Variants in MARCHF7 observed in about 807,000 individuals in gnomAD.
MARCHF7 encodes the protein membrane associated ring-CH-type finger 7.
A neutral mutation model predicts 76.5 loss-of-function variants in MARCHF7; 20 were observed. The ratio of observed to expected loss-of-function variants is 0.26; its 90% CI spans 0.18 to 0.38. The LOEUF (loss-of-function observed/expected upper bound fraction) is 0.38, where lower values mean the gene tolerates loss of function less well. Among genes scored for constraint, MARCHF7 ranks in the 10% least tolerant of loss-of-function variants. The pLI, the probability that MARCHF7 is intolerant of heterozygous loss-of-function variation, is 1.00. For synonymous variants in MARCHF7, 295 were observed against 293.0 expected, an observed-to-expected ratio of 1.01 and a Z score of -0.07; for missense variants, 797 against 812.9, an observed-to-expected ratio of 0.98 and a Z score of 0.24.
chr2:159,740,819 G>A (rs966513083), intron 4 of MARCHF7, among the ~76,000 whole-genome samples: 1 of 152,094 alleles, frequency 6.6e-6, no homozygotes. Flanking sequence ...TATTTTCAAA[G>A]TTTCTTTTCC....
rs772128768 is a variant in MARCHF7, at chr2:159,769,190, T to C, written c.*1848T>C. On this transcript the variant is annotated 3_prime_UTR_variant, in exon 12 of 12. Transcript: ENST00000409175. ...GTAGTTTAAAATGTTATTCTGAATATCTGCCAAAGAATTATATTGTTATTA... is the reference window on the plus strand; with the variant it reads ...GTAGTTTAAAATGTTATTCTGAATACCTGCCAAAGAATTATATTGTTATTA... 3.3e-5 allele frequency: 5 copies of C among 152,214 alleles called. No homozygotes were observed. The highest frequency in any genetic ancestry group is 5.9e-5 in the Non-Finnish European group (4 of 68,040). The allele number at this position is 152,214 out of a possible 1,614,324, so 9.4% of individuals were successfully genotyped here.
At position 159,748,653 on chromosome 2, in the gene MARCHF7, A is replaced by G; in HGVS notation, c.1363A>G (p.Ser455Gly). Residue 455 changes from serine (S) to glycine (G), a missense_variant, in exon 7 of 12, where the codon AGC becomes GGC. By Grantham distance (56) the Ser-to-Gly change is moderately conservative (BLOSUM62 0). This residue lies in a region of MARCHF7 where 643 missense variants were observed against 631.5 expected (regional missense o/e 1.02). Coordinates refer to ENST00000409175, the MANE Select transcript of MARCHF7 (RefSeq NM_001282805.2). ...ANRPQASAAS[S>G]SATTGGSTSD... ...CAGACCACAAGCATCTGCAGCATCA[A>G]GCAGTGCCACAACAGGTGGCTCTAC... The G allele has an allele frequency of 1.2e-6, 2 of 1,614,208 alleles. No individual in the cohort carries two copies. Among genetic ancestry groups the G allele is most frequent in the Non-Finnish European group, 8.5e-7 (1 of 1,180,032 alleles).
At chr2:159,765,971 A>G (rs576109748) in intron 11 of MARCHF7, among the ~76,000 whole-genome samples, 1 of 152,240 alleles carries the variant, frequency 6.6e-6, no homozygotes, top group Admixed American at 6.5e-5. Flanking sequence ...GTTTCAGTGT[A>G]TGTTTTCCCC....
At chr2:159,739,584 T>C (rs1480730619) in intron 4 of MARCHF7, among the ~76,000 whole-genome samples, 2 of 152,204 alleles carry the variant, frequency 1.3e-5, no homozygotes, top group African/African-American at 4.8e-5. Flanking sequence ...TGGCCTATAG[T>C]TCTGGACAGC....
In MARCHF7 at chr2:159,743,115, T is replaced by C. The variant is rs201822232; in HGVS notation, c.208T>C (p.Ser70Pro). 4.6e-5 allele frequency: 74 copies of C among 1,614,204 alleles called. 2 individuals carry two copies. In the East Asian group the frequency reaches 1.5e-3, roughly 34 times the overall value. Residue 70 changes from serine (S) to proline (P), a missense_variant, in exon 5 of 12, where the codon TCT becomes CCT. Transcript: ENST00000409175. ...ATTTCAATCTGCATGGTATAGTGAATCTGAGATAACTCAGGGAGCACGCTC... is the reference window on the plus strand; with the variant it reads ...ATTTCAATCTGCATGGTATAGTGAACCTGAGATAACTCAGGGAGCACGCTC... ...SPFQSAWYSESEITQGARSRS... is the reference protein window; with the variant it reads ...SPFQSAWYSEPEITQGARSRS...
At chr2:159,719,663 T>C (rs1488489955) in intron 3 of MARCHF7, among the ~76,000 whole-genome samples, 1 of 152,212 alleles carries the variant, frequency 6.6e-6, no homozygotes, top group Non-Finnish European at 1.5e-5. Context: ...CCTAGTCTAT[T>C]GTTAAACCCA....
chr2:159,733,954 GTTC>G, intron 4 of MARCHF7: 1 of 1,272,858 alleles, frequency 7.9e-7, no homozygotes, highest in Non-Finnish European at 1.0e-6. Flanking sequence ...ATATCTTTCA[GTTC>G]TCAGCCATTT....
Position 159,743,347 on chromosome 2 carries a change from T to C in MARCHF7, c.346+94T>C. 3.5e-6 allele frequency: 4 copies of C among 1,143,672 alleles called. No individual in the cohort carries two copies. In the South Asian group the frequency reaches 6.2e-5, roughly 18 times the overall value. The allele number at this position is 1,143,672 out of a possible 1,614,324, so 70.8% of individuals were successfully genotyped here. On this transcript the variant is annotated intron_variant, in intron 5 of 11. Transcript: ENST00000409175. ...TGGAATGAGGCAAGTAGATTTTATA[T>C]GAAGACAGTGGGTCAGAAATGTAGT...
At chr2:159,761,212 C>T (rs928462584) in intron 9 of MARCHF7, among the ~76,000 whole-genome samples, 3 of 151,122 alleles carry the variant, frequency 2.0e-5, no homozygotes, top group South Asian at 2.1e-4. Flanking sequence ...TTAGTAGGGA[C>T]GGGGCTTCAC....
chr2:159,750,695 C>T (rs1031604105), intron 7 of MARCHF7, among the ~76,000 whole-genome samples: 1 of 151,962 alleles, frequency 6.6e-6, no homozygotes, highest in Admixed American at 6.6e-5. Context: ...TCATCCTAGT[C>T]TAATTACTTA....
At chr2:159,725,283 G>A (rs191227945) in intron 3 of MARCHF7, among the ~76,000 whole-genome samples, 66 of 152,294 alleles carry the variant, frequency 4.3e-4, no homozygotes, top group African/African-American at 1.4e-3. Flanking sequence ...GGTTAAACTA[G>A]TTTACAGTCC....
intron 4 of MARCHF7, among the ~76,000 whole-genome samples, chr2:159,729,473 C>G (rs1420154378): frequency 6.6e-6 from 1 of 152,058 alleles, no homozygotes; most frequent in Non-Finnish European, 1.5e-5. Context: ...GAGTTCGAGA[C>G]CAGCCTGGCC....
chr2:159,747,207 A>C (rs1705010321), intron 6 of MARCHF7, among the ~76,000 whole-genome samples: 1 of 152,212 alleles, frequency 6.6e-6, no homozygotes, highest in African/African-American at 2.4e-5. Context: ...TATTTTAGCA[A>C]ATATAACACA....
chr2:159,767,276 T>A lies in MARCHF7; in HGVS notation c.2057-8T>A. 6.2e-7 allele frequency: 1 copy of A among 1,606,778 alleles called. No homozygotes were observed. The highest frequency in any genetic ancestry group is 8.5e-7 in the Non-Finnish European group (1 of 1,174,526). Reference sequence around the variant, plus strand: ...ATCATTCTTGATCATCCTGTTTTCTTTCAACAGCTTCAGAGGATGATTCCG... The same window carrying A: ...ATCATTCTTGATCATCCTGTTTTCTATCAACAGCTTCAGAGGATGATTCCG... On this transcript the variant is annotated splice_region_variant and splice_polypyrimidine_tract_variant and intron_variant, in intron 11 of 11. Coordinates refer to ENST00000409175, the MANE Select transcript of MARCHF7 (RefSeq NM_001282805.2).
At chr2:159,728,880 A>T in intron 3 of MARCHF7, 129 bp from the exon 4 acceptor site, 1 of 498,290 alleles carries the variant, frequency 2.0e-6, no homozygotes. Context: ...ATCATTTCAC[A>T]ATTTACGTTG....
intron 11 of MARCHF7, among the ~76,000 whole-genome samples, chr2:159,765,557 A>T (rs917131928): frequency 1.3e-5 from 2 of 152,152 alleles, no homozygotes; most frequent in African/African-American, 4.8e-5. Context: ...CGTATTCTTC[A>T]GTTGAATACT....
Position 159,769,960 on chromosome 2 carries a change from C to T in MARCHF7, c.*2618C>T, listed in dbSNP as rs1349156187. 4 of 152,118 alleles carry T rather than the reference C, an allele frequency of 2.6e-5. No homozygotes were observed. The highest frequency in any genetic ancestry group is 9.7e-5 in the African/African-American group (4 of 41,420). 9.4% of individuals were successfully genotyped at this position (152,118 alleles called of 1,614,324 possible). Reference sequence around the variant, plus strand: ...TGTAATTCGAAAACTGGATTTTAAACTAAATTTACTTAAATAGCCTCATGT... The same window carrying T: ...TGTAATTCGAAAACTGGATTTTAAATTAAATTTACTTAAATAGCCTCATGT... On this transcript the variant is annotated 3_prime_UTR_variant, in exon 12 of 12. Transcript: ENST00000409175.
chr2:159,719,528 C>T (rs1349152174), intron 3 of MARCHF7, among the ~76,000 whole-genome samples: 2 of 152,146 alleles, frequency 1.3e-5, no homozygotes, highest in Non-Finnish European at 2.9e-5. Flanking sequence ...GACTTTTATC[C>T]ATTTCCACGA....
chr2:159,750,792 T>C (rs1705549369), intron 7 of MARCHF7, among the ~76,000 whole-genome samples: 1 of 152,052 alleles, frequency 6.6e-6, no homozygotes, highest in African/African-American at 2.4e-5. Flanking sequence ...GTTAATGTTG[T>C]GGGATTTTTT....
Sources: gnomAD v4.1 joint callset for allele counts (sites outside exome capture counted in the v4.1 genomes callset) on GRCh38, gnomAD v4.1.1 for gene constraint, gnomAD v4.1.1 regional missense constraint, MANE v1.5 for transcripts, NCBI Gene and HGNC (gene_info 2026-07-23, HGNC 2026-07-21) for gene names.